KLHL32: variants seen among roughly 807,000 people sequenced by gnomAD.
The protein encoded by KLHL32 is kelch-like protein 32.
KLHL32 carries 35 observed loss-of-function variants against 64.8 expected under a neutral mutation model. That is an observed-to-expected ratio of 0.54 (90% CI 0.41 to 0.72). The LOEUF (loss-of-function observed/expected upper bound fraction) is 0.72, where lower values mean the gene tolerates loss of function less well. Among genes scored for constraint, KLHL32 ranks in the 30% least tolerant of loss-of-function variants. KLHL32 has a pLI of 0.00. For missense variants in KLHL32, 589 were observed against 768.5 expected (o/e 0.77, Z 2.76); for synonymous variants, 259 against 281.0 (o/e 0.92, Z 0.78).
chr6:96,997,904 G>A (rs17057194), intron 3 of KLHL32, among the ~76,000 whole-genome samples: 4,871 of 152,234 alleles, frequency 0.032, 106 homozygotes, highest in East Asian at 0.069. Flanking sequence ...TATGTAAATG[G>A]AATCAATGTT....
chr6:97,035,252 C>T (rs1631219), intron 3 of KLHL32, among the ~76,000 whole-genome samples: 36 of 151,872 alleles, frequency 2.4e-4, no homozygotes, highest in Non-Finnish European at 4.6e-4. Context: ...ACACTTTTAC[C>T]ACCTCCCCCA....
intron 7 of KLHL32, among the ~76,000 whole-genome samples, chr6:97,116,293 T>C (rs1421148624): frequency 6.6e-6 from 1 of 152,236 alleles, no homozygotes; most frequent in South Asian, 2.1e-4. Context: ...CCTTTTTCTT[T>C]AAATGTATAT....
chr6:97,006,814 G>A (rs1312760366), intron 3 of KLHL32, among the ~76,000 whole-genome samples: 4 of 152,086 alleles, frequency 2.6e-5, no homozygotes, highest in African/African-American at 9.7e-5. Context: ...GCTGAATATA[G>A]GCCCCCAAAC....
intron 3 of KLHL32, among the ~76,000 whole-genome samples, chr6:97,026,171 A>C (rs1220167385): frequency 6.6e-6 from 1 of 152,140 alleles, no homozygotes; most frequent in Non-Finnish European, 1.5e-5. Context: ...AAGCTTGTGG[A>C]TGATTCCTAA....
At chr6:97,130,389 T>C (rs6568746) in intron 8 of KLHL32, among the ~76,000 whole-genome samples, 80,822 of 152,018 alleles carry the variant, frequency 0.53, 22,125 homozygotes, top group African/African-American at 0.65. Flanking sequence ...CCACTGTATA[T>C]AGTATACCTA....
At chr6:96,922,933 G>C (rs1228393885), upstream of KLHL32, among the ~76,000 whole-genome samples, 1 of 152,088 alleles carries the variant, frequency 6.6e-6, no homozygotes, top group Non-Finnish European at 1.5e-5. Flanking sequence ...CTCTGAACTA[G>C]ACATTTTACT....
At chr6:96,977,536 A>T (rs1192191695) in intron 3 of KLHL32, among the ~76,000 whole-genome samples, 1 of 147,676 alleles carries the variant, frequency 6.8e-6, no homozygotes, top group Non-Finnish European at 1.5e-5. Flanking sequence ...ATGAATCTCC[A>T]TATAAATGGG....
intron 2 of KLHL32, among the ~76,000 whole-genome samples, chr6:96,972,162 T>A (rs1775185253): frequency 6.6e-6 from 1 of 152,176 alleles, no homozygotes; most frequent in South Asian, 2.1e-4. Flanking sequence ...CTAAAAAAGG[T>A]AAAATTAATT....
At chr6:97,012,933 A>AGTGAAGGG (rs1780603865) in intron 3 of KLHL32, among the ~76,000 whole-genome samples, 1 of 152,050 alleles carries the variant, frequency 6.6e-6, no homozygotes, top group Non-Finnish European at 1.5e-5. Context: ...CTTCCTCAGC[A>AGTGAAGGG]CTCTAAGTCC....
intron 4 of KLHL32, among the ~76,000 whole-genome samples, chr6:97,045,952 A>C (rs1785855280): frequency 6.6e-6 from 1 of 152,216 alleles, no homozygotes; most frequent in South Asian, 2.1e-4. Context: ...AAATGAGATG[A>C]AAATATATCT....
At chr6:97,136,014 G>T (rs1477907400) in intron 10 of KLHL32, among the ~76,000 whole-genome samples, 1 of 152,048 alleles carries the variant, frequency 6.6e-6, no homozygotes, top group Non-Finnish European at 1.5e-5. Context: ...AAGCATAGTG[G>T]GGAAAAAATC....
the KLHL32 span, among the ~76,000 whole-genome samples, chr6:96,918,964 A>G: frequency 4.3e-4 from 66 of 152,224 alleles, no homozygotes; most frequent in African/African-American, 1.6e-3. Flanking sequence ...TCCCTTATGG[A>G]GGTAAGAGAA....
intron 7 of KLHL32, among the ~76,000 whole-genome samples, chr6:97,121,551 T>C (rs576198042): frequency 1.3e-5 from 2 of 152,266 alleles, no homozygotes; most frequent in Non-Finnish European, 2.9e-5. Context: ...CTAAAATACA[T>C]TGGTGTAGAT....
At chr6:96,994,716 A>T (rs919886043) in intron 3 of KLHL32, 2 of 821,196 alleles carry the variant, frequency 2.4e-6, no homozygotes, top group Non-Finnish European at 2.9e-6. Context: ...AAAGAAAGTG[A>T]AAAAACACAT....
At chr6:97,057,648 A>G (rs1788227376) in intron 4 of KLHL32, among the ~76,000 whole-genome samples, 1 of 149,594 alleles carries the variant, frequency 6.7e-6, no homozygotes, top group African/African-American at 2.5e-5. Flanking sequence ...ACATTCCTTT[A>G]GCAGATGTAT....
rs1177986677 is a variant in KLHL32, at chr6:97,139,948, C to T, written c.*666C>T. On this transcript the variant is annotated 3_prime_UTR_variant, in exon 11 of 11. Transcript: ENST00000369261. ...TAAGGAGGATAATTACTGATTTCCA[C>T]GTTAATTTAAAAGAACATTATGAGG... The T allele has an allele frequency of 1.3e-5, 2 of 152,096 alleles. No homozygotes were observed. The highest frequency in any genetic ancestry group is 2.1e-4 in the South Asian group (1 of 4,828). The allele number at this position is 152,096 out of a possible 1,614,324, so 9.4% of individuals were successfully genotyped here.
chr6:96,932,202 G>GTTTTTT (rs1251673140), intron 1 of KLHL32, among the ~76,000 whole-genome samples: 5 of 124,318 alleles, frequency 4.0e-5, no homozygotes, highest in Non-Finnish European at 3.6e-5. Context: ...AACTGACTGG[G>GTTTTTT]TTATTTTTTT....
chr6:96,947,610 G>A (rs577802137), intron 1 of KLHL32, among the ~76,000 whole-genome samples: 5 of 152,222 alleles, frequency 3.3e-5, no homozygotes, highest in African/African-American at 1.2e-4. Context: ...TACAGAGATG[G>A]TAATTTGGGA....
chr6:97,000,434 C>A (rs532593553), intron 3 of KLHL32, among the ~76,000 whole-genome samples: 1 of 152,144 alleles, frequency 6.6e-6, no homozygotes, highest in African/African-American at 2.4e-5. Flanking sequence ...GTAGTAAGTT[C>A]ATTTGTGTGC....
Sources: gnomAD v4.1 joint callset for allele counts (sites outside exome capture counted in the v4.1 genomes callset) on GRCh38, gnomAD v4.1.1 for gene constraint, MANE v1.5 for transcripts, NCBI Gene and HGNC (gene_info 2026-07-23, HGNC 2026-07-21) for gene names.